Variants in NLRP2 observed in about 807,000 individuals in gnomAD.
NLRP2 encodes the protein NLR family pyrin domain containing 2.
Under a neutral mutation model 97.2 loss-of-function variants are expected in NLRP2, and 107 were observed. The ratio of observed to expected loss-of-function variants is 1.10; its 90% confidence interval spans 0.94 to 1.29. The LOEUF (loss-of-function observed/expected upper bound fraction) is 1.29, where lower values mean the gene tolerates loss of function less well. Ranked by LOEUF, NLRP2 falls within the 50% of genes most tolerant of loss-of-function variation. The pLI is 0.00. For missense variants in NLRP2, 1,495 were observed against 1,330.3 expected, an observed-to-expected ratio of 1.12 and a Z score of -1.93; for synonymous variants, 663 against 551.5, an observed-to-expected ratio of 1.20 and a Z score of -2.83.
chr19:54,997,107 C>T (rs888931978), intron 11 of NLRP2, among the ~76,000 whole-genome samples: 7 of 152,096 alleles, frequency 4.6e-5, no homozygotes, highest in Non-Finnish European at 7.4e-5. Context: ...ACGGTTTTAC[C>T]ATGTTAGGTT....
chr19:54,997,390 G>C lies in NLRP2; in HGVS notation c.2953G>C (p.Val985Leu), dbSNP rs749548696. 2.5e-6 allele frequency: 4 copies of C among 1,614,040 alleles called. No individual in the cohort carries two copies. The highest frequency in any genetic ancestry group is 2.7e-5 in the African/African-American group (2 of 74,932). Residue 985 changes from valine (V) to leucine (L), a missense_variant, in exon 12 of 13, where the codon GTC becomes CTC. Physicochemically the swap from Val to Leu is conservative, Grantham distance 32. Coordinates refer to ENST00000448584, the MANE Select transcript of NLRP2 (RefSeq NM_017852.5). ...CSALSCNQSLVTLDLGQNPLG... is the reference protein window; with the variant it reads ...CSALSCNQSLLTLDLGQNPLG... ...TGCCCTCAGCTGCAACCAGAGCCTCGTCACTCTGGACCTGGGTCAGAATCC... is the reference window on the plus strand; with the variant it reads ...TGCCCTCAGCTGCAACCAGAGCCTCCTCACTCTGGACCTGGGTCAGAATCC...
chr19:54,979,835 G>GGT (rs2071461878), intron 4 of NLRP2, among the ~76,000 whole-genome samples: 4 of 151,908 alleles, frequency 2.6e-5, no homozygotes, highest in Non-Finnish European at 5.9e-5. Flanking sequence ...GGAGTGCAGT[G>GGT]GTGCAATCTT....
rs751767811 is a variant in NLRP2, at chr19:54,981,621, T to C, written c.402T>C (p.Phe134=). The change falls in exon 5 of 13, where the codon TTT becomes TTC. Residue 134 remains phenylalanine (F), a synonymous_variant. Coordinates refer to ENST00000448584, the MANE Select transcript of NLRP2 (RefSeq NM_017852.5). ...LERFKTEAQA[F]TETKGNVICL... The stretch of plus-strand genomic sequence containing the variant: ...ACATGAGTTTGTATTTTGTAGCGTT[T>C]ACAGAAACGAAAGGAAATGTCATCT... The C allele has an allele frequency of 1.9e-6, 3 of 1,586,322 alleles. No homozygotes were observed. The highest frequency in any genetic ancestry group is 1.3e-5 in the African/African-American group (1 of 74,292).
At position 54,985,049 on chromosome 19, in the gene NLRP2, C is replaced by G; in HGVS notation, c.2033C>G (p.Ser678Cys). Reference sequence around the variant, plus strand: ...ACCCTTTCTTCTCTTCCCTATAGATCCCAGGATGATCAGCACATGCTTCCT... The same window carrying G: ...ACCCTTTCTTCTCTTCCCTATAGATGCCAGGATGATCAGCACATGCTTCCT... ...ASESDAEVERSQDDQHMLPFW... is the reference protein window; with the variant it reads ...ASESDAEVERCQDDQHMLPFW... The change falls in exon 7 of 13, where the codon TCC (serine) becomes TGC (cysteine). Residue 678 changes from serine (S) to cysteine (C), a missense_variant and splice_region_variant. Physicochemically the swap from Ser to Cys is moderately radical, Grantham distance 112 (BLOSUM62 -1). Transcript: ENST00000448584. 1.2e-6 allele frequency: 2 copies of G among 1,613,976 alleles called. No homozygotes were observed. The highest frequency in any genetic ancestry group is 1.7e-5 in the Admixed American group (1 of 59,984).
chr19:54,983,046 C>A lies in NLRP2; in HGVS notation c.1348C>A (p.Leu450Met). The A allele has an allele frequency of 6.2e-7, 1 of 1,611,482 alleles. No individual in the cohort carries two copies. Among genetic ancestry groups the A allele is most frequent in the Non-Finnish European group, 8.5e-7 (1 of 1,179,364 alleles). The change falls in exon 6 of 13, where the codon CTG (leucine) becomes ATG (methionine). Residue 450 changes from leucine (L) to methionine (M), a missense_variant. Physicochemically the swap from Leu to Met is conservative, Grantham distance 15. Transcript: ENST00000448584. ...GAQLRGALRTLSLLAAQGLWA... is the reference protein window; with the variant it reads ...GAQLRGALRTMSLLAAQGLWA... Reference sequence around the variant, plus strand: ...ACAGCTGCGGGGCGCGCTGCGGACGCTGAGCCTCCTGGCCGCGCAGGGCCT... The same window carrying A: ...ACAGCTGCGGGGCGCGCTGCGGACGATGAGCCTCCTGGCCGCGCAGGGCCT...
chr19:54,968,261 G>C (rs1053178927), intron 1 of NLRP2, among the ~76,000 whole-genome samples: 1 of 151,906 alleles, frequency 6.6e-6, no homozygotes, highest in Non-Finnish European at 1.5e-5. Context: ...TTGCCAGGCT[G>C]GTCTGGAACT....
chr19:54,998,552 T>TTTGG (rs1212102170), intron 12 of NLRP2, among the ~76,000 whole-genome samples: 24 of 150,720 alleles, frequency 1.6e-4, no homozygotes, highest in Non-Finnish European at 2.4e-4. Flanking sequence ...TGTTTGTTTG[T>TTTGG]TTATTTATTA....
chr19:54,990,363 C>T (rs1024380367), intron 9 of NLRP2, 139 bp from the exon 10 acceptor site: 1 of 1,104,866 alleles, frequency 9.1e-7, no homozygotes, highest in Admixed American at 1.9e-5. Context: ...CATTCCTATT[C>T]CTTCATAGGA....
intron 11 of NLRP2, among the ~76,000 whole-genome samples, chr19:54,995,187 CTTTT>C (rs34168825): frequency 1.1e-5 from 1 of 87,226 alleles, no homozygotes; most frequent in Non-Finnish European, 2.2e-5. Flanking sequence ...GTGGGTGCCT[CTTTT>C]TTTTTTTTTT....
intron 6 of NLRP2, among the ~76,000 whole-genome samples, chr19:54,984,714 C>T (rs898400069): frequency 2.6e-5 from 4 of 151,782 alleles, no homozygotes; most frequent in African/African-American, 4.8e-5. Flanking sequence ...AACTCCCGAC[C>T]TCAGGTGATC....
intron 12 of NLRP2, among the ~76,000 whole-genome samples, chr19:54,998,879 C>T (rs976000883): frequency 6.6e-6 from 1 of 151,234 alleles, no homozygotes; most frequent in Non-Finnish European, 1.5e-5. Context: ...CAAAGCATAT[C>T]TTGCACCGCC....
chr19:54,977,949 A>C (rs8105871), intron 4 of NLRP2, 126 bp downstream of exon 4: 2 of 887,100 alleles, frequency 2.3e-6, no homozygotes, highest in Non-Finnish European at 3.6e-6. Flanking sequence ...TAATGTGCCC[A>C]CTGTCTCCTG....
intron 2 of NLRP2, chr19:54,974,239 A>G (rs571079535): frequency 6.9e-6 from 4 of 583,746 alleles, no homozygotes; most frequent in East Asian, 3.1e-5. Flanking sequence ...CTATAGTCCC[A>G]GCTACTCAGG....
At chr19:54,999,181 C>T (rs1568549099) in intron 12 of NLRP2, among the ~76,000 whole-genome samples, 2 of 152,112 alleles carry the variant, frequency 1.3e-5, no homozygotes, top group African/African-American at 4.8e-5. Context: ...GAGTTTTACT[C>T]TTGTTGTCCA....
At chr19:54,998,522 G>A (rs1359878318) in intron 12 of NLRP2, among the ~76,000 whole-genome samples, 4 of 145,156 alleles carry the variant, frequency 2.8e-5, no homozygotes, top group Non-Finnish European at 6.0e-5. Flanking sequence ...GACACTAAGG[G>A]TTTTTTTAAG....
Position 54,985,696 on chromosome 19 carries a change from AAAG to A in NLRP2, c.2202-452_2202-450del, listed in dbSNP as rs1176102542. On this transcript the variant is annotated intron_variant, in intron 7 of 12. Transcript: ENST00000448584. Reference sequence around the variant, plus strand: ...GCGTCTCAAAAAAAAAAAAAAAAAAAAAGAAAAAGAAAAAAAGGGCCGGGCACA... The same window carrying A: ...GCGTCTCAAAAAAAAAAAAAAAAAAAAAAAAGAAAAAAAGGGCCGGGCACA... 3.8e-4 allele frequency among the ~76,000 whole-genome samples: 55 copies of A among 143,914 alleles called. 1 individual carries two copies. The highest frequency in any genetic ancestry group is 1.2e-3 in the African/African-American group (41 of 35,028). The allele number at this position is 143,914 out of a possible 152,430, so 94.4% of individuals were successfully genotyped here. A position where few individuals can be genotyped will look rare whatever the true frequency, so the allele number is the denominator to read the frequency against.
intron 8 of NLRP2, among the ~76,000 whole-genome samples, chr19:54,989,173 G>A (rs2072294784): frequency 6.6e-6 from 1 of 151,610 alleles, no homozygotes; most frequent in Non-Finnish European, 1.5e-5. Context: ...GGCCAGGATG[G>A]TCTCAAACTC....
At chr19:54,970,604 C>T (rs1040408827) in intron 2 of NLRP2, among the ~76,000 whole-genome samples, 8 of 151,388 alleles carry the variant, frequency 5.3e-5, no homozygotes, top group Non-Finnish European at 1.2e-4. Context: ...TGCTATGAGC[C>T]GAGATCACGC....
rs1278491234 is a variant in NLRP2 at position 54,983,210 on chromosome 19, C to T, written c.1512C>T (p.Leu504=). The stretch of plus-strand genomic sequence containing the variant: ...AAGGCTGCTACTCCTTCATCCACCT[C>T]AGCTTCCAGCAGTTTCTCACTGCCC... ...VSKGCYSFIH[L]SFQQFLTALF... Residue 504 remains leucine (L), a synonymous_variant, in exon 6 of 13, where the codon CTC becomes CTT. Coordinates refer to ENST00000448584, the MANE Select transcript of NLRP2 (RefSeq NM_017852.5). 2.5e-6 allele frequency: 4 copies of T among 1,614,112 alleles called. No individual in the cohort carries two copies. Among genetic ancestry groups the T allele is most frequent in the Non-Finnish European group, 3.4e-6 (4 of 1,180,000 alleles).
Sources: allele counts gnomAD v4.1 joint callset (sites outside exome capture counted in the v4.1 genomes callset), GRCh38; gene constraint gnomAD v4.1.1; transcripts MANE v1.5; gene names NCBI Gene and HGNC (gene_info 2026-07-23, HGNC 2026-07-21).